The following PARD3 variants were observed in gnomAD, a reference collection of about 807,000 sequenced individuals.
PARD3 encodes the protein partitioning defective 3 homolog.
Under a neutral mutation model 155.4 loss-of-function variants are expected in PARD3, and 75 were observed. That is an observed-to-expected ratio of 0.48 (90% confidence interval 0.40 to 0.58). The LOEUF (loss-of-function observed/expected upper bound fraction) is 0.58, where lower values mean the gene tolerates loss of function less well. Ranked by LOEUF, PARD3 falls within the 20% of genes least tolerant of loss-of-function variation. The pLI is 0.00. For synonymous variants in PARD3, 576 were observed against 610.5 expected (o/e 0.94, Z 0.83); for missense variants, 1,642 against 1,721.7 (o/e 0.95, Z 0.82).
intron 2 of PARD3, among the ~76,000 whole-genome samples, chr10:34,588,046 AC>A (rs1210702298): frequency 2.0e-5 from 3 of 151,922 alleles, no homozygotes; most frequent in Non-Finnish European, 2.9e-5. Flanking sequence ...CCTAACCTCC[AC>A]CCCTTCCAGG....
chr10:34,124,555 G>A (rs962208220), intron 23 of PARD3, among the ~76,000 whole-genome samples: 5 of 151,916 alleles, frequency 3.3e-5, no homozygotes, highest in African/African-American at 4.8e-5. Flanking sequence ...TCTACCCATC[G>A]TGCCTTCCCA....
intron 5 of PARD3, among the ~76,000 whole-genome samples, chr10:34,432,514 A>T (rs2132555556): frequency 6.6e-6 from 1 of 152,266 alleles, no homozygotes; most frequent in South Asian, 2.1e-4. Flanking sequence ...ATGGCCAATC[A>T]TAGAATTTTC....
chr10:34,807,262 T>G (rs1197526702), intron 1 of PARD3, among the ~76,000 whole-genome samples: 7 of 152,206 alleles, frequency 4.6e-5, no homozygotes, highest in Non-Finnish European at 8.8e-5. Context: ...ATTTGAAGTG[T>G]TTTGAGCATC....
intron 1 of PARD3, among the ~76,000 whole-genome samples, chr10:34,768,820 T>C (rs1019265588): frequency 6.6e-6 from 1 of 152,212 alleles, no homozygotes; most frequent in African/African-American, 2.4e-5. Flanking sequence ...CCTGCACACA[T>C]GCCACTCCCT....
At chr10:34,353,043 G>A (rs1838327875) in intron 14 of PARD3, among the ~76,000 whole-genome samples, 1 of 151,744 alleles carries the variant, frequency 6.6e-6, no homozygotes, top group Admixed American at 6.6e-5. Context: ...CGCCCCGTCT[G>A]AGAAGTGAGG....
At chr10:34,734,828 G>A (rs1388532883) in intron 1 of PARD3, among the ~76,000 whole-genome samples, 2 of 152,074 alleles carry the variant, frequency 1.3e-5, no homozygotes, top group Non-Finnish European at 2.9e-5. Flanking sequence ...GCCTTCTTAA[G>A]CAAGACACTA....
chr10:34,589,038 T>C (rs1590131428), intron 2 of PARD3, among the ~76,000 whole-genome samples: 2 of 152,128 alleles, frequency 1.3e-5, no homozygotes, highest in South Asian at 4.2e-4. Flanking sequence ...GACAGCATAG[T>C]GATACCCTGT....
chr10:34,813,013 G>A (rs1385680077), intron 1 of PARD3, among the ~76,000 whole-genome samples: 1 of 152,128 alleles, frequency 6.6e-6, no homozygotes, highest in Admixed American at 6.6e-5. Context: ...GGACCCCGCA[G>A]CCTCTTGCTC....
At chr10:34,447,386 C>G (rs1286659005) in intron 5 of PARD3, among the ~76,000 whole-genome samples, 1 of 147,592 alleles carries the variant, frequency 6.8e-6, no homozygotes, top group African/African-American at 2.5e-5. Flanking sequence ...GAGACTGAGA[C>G]AGCAGAACTG....
intron 2 of PARD3, among the ~76,000 whole-genome samples, chr10:34,545,810 G>A (rs559679984): frequency 2.6e-5 from 4 of 152,048 alleles, no homozygotes; most frequent in Non-Finnish European, 4.4e-5. Flanking sequence ...TGCCCACCTC[G>A]GCTTCCCCAA....
intron 22 of PARD3, among the ~76,000 whole-genome samples, chr10:34,244,041 T>A (rs1014916969): frequency 3.9e-5 from 6 of 152,292 alleles, no homozygotes; most frequent in African/African-American, 1.4e-4. Context: ...GTGCTTAAGT[T>A]TGAGAAAAGA....
intron 22 of PARD3, among the ~76,000 whole-genome samples, chr10:34,186,357 T>TAAAA (rs61694192): frequency 2.4e-5 from 3 of 125,780 alleles, no homozygotes; most frequent in Non-Finnish European, 3.3e-5. Flanking sequence ...GAGACCCTCT[T>TAAAA]AAAAAAAAAA....
intron 12 of PARD3, among the ~76,000 whole-genome samples, chr10:34,371,518 A>C (rs1197496591): frequency 1.1e-4 from 9 of 83,622 alleles, no homozygotes; most frequent in East Asian, 2.4e-4. Flanking sequence ...AAAAAAAAAA[A>C]AAAAAAAAAA....
chr10:34,605,180 ATTTTTTTTTTTTTTTTT>A (rs750688603), intron 2 of PARD3, among the ~76,000 whole-genome samples: 2 of 62,430 alleles, frequency 3.2e-5, no homozygotes, highest in Non-Finnish European at 5.8e-5. Flanking sequence ...CCAAAATGAA[ATTTTTTTTTTTTTTTTT>A]TTTTTTTTTT....
chr10:34,122,255 G>C (rs1441727497), intron 23 of PARD3, among the ~76,000 whole-genome samples: 1 of 152,196 alleles, frequency 6.6e-6, no homozygotes, highest in African/African-American at 2.4e-5. Flanking sequence ...GTGGAGATGT[G>C]AAGGGAAATT....
At chr10:34,254,999 G>A (rs143269826) in intron 22 of PARD3, among the ~76,000 whole-genome samples, 1 of 152,242 alleles carries the variant, frequency 6.6e-6, no homozygotes, top group East Asian at 1.9e-4. Flanking sequence ...ATAACTAGAA[G>A]TCTGTAACCT....
At position 34,733,982 on chromosome 10, in the gene PARD3, G is replaced by A. The variant is rs1413343657; in HGVS notation, c.121-37563C>T. On this transcript the variant is annotated intron_variant, in intron 1 of 24. Coordinates refer to ENST00000374788, the MANE Select transcript of PARD3 (RefSeq NM_001184785.2). ...TTTTTACCATAAGCAGTCATAGAAAGAACAAAGCTGTTTTATACTTATTTC... is the reference window on the plus strand; with the variant it reads ...TTTTTACCATAAGCAGTCATAGAAAAAACAAAGCTGTTTTATACTTATTTC... Among the ~76,000 whole-genome samples, 6 of 148,200 alleles carry A rather than the reference G, an allele frequency of 4.0e-5. No homozygotes were observed. In the East Asian group the frequency reaches 9.8e-4, roughly 24 times the overall value.
chr10:34,730,447 G>A (rs551902710), intron 1 of PARD3, among the ~76,000 whole-genome samples: 1 of 152,132 alleles, frequency 6.6e-6, no homozygotes, highest in South Asian at 2.1e-4. Flanking sequence ...TAGAAATCAG[G>A]GGAAATCAAT....
intron 2 of PARD3, among the ~76,000 whole-genome samples, chr10:34,542,234 T>TGTGTGTGTGTGTGTGTAC (rs143582528): frequency 3.4e-5 from 5 of 146,198 alleles, no homozygotes; most frequent in Admixed American, 2.0e-4. Context: ...TGTGTGTGTG[T>TGTGTGTGTGTGTGTGTAC]GTGTGCACAC....
Sources: allele counts gnomAD v4.1 joint callset (sites outside exome capture counted in the v4.1 genomes callset), GRCh38; gene constraint gnomAD v4.1.1; transcripts MANE v1.5; gene names NCBI Gene and HGNC (gene_info 2026-07-23, HGNC 2026-07-21).